The following HSF1 variants were observed in gnomAD, a reference collection of about 807,000 sequenced individuals.
HSF1 encodes heat shock transcription factor 1.
Under a neutral mutation model 51.7 loss-of-function variants are expected in HSF1, and 32 were observed. The observed-to-expected ratio is 0.62, with a 90% CI of 0.47 to 0.83. HSF1 has a LOEUF of 0.83. HSF1 is among the 40% of genes least tolerant of loss of function. The pLI is 0.00. For missense variants in HSF1, 727 were observed against 717.0 expected (o/e 1.01, Z -0.16); for synonymous variants, 396 against 309.7 (o/e 1.28, Z -2.92).
chr8:144,308,760 C>T (rs913999014), intron 1 of HSF1, 146 bp from the exon 2 acceptor site: 2 of 675,152 alleles, frequency 3.0e-6, no homozygotes, highest in South Asian at 3.4e-5. Context: ...CGCCTCCCGC[C>T]AGCCCCCTGG....
intron 1 of HSF1, among the ~76,000 whole-genome samples, chr8:144,295,127 C>T (rs980747805): frequency 2.0e-5 from 3 of 152,222 alleles, no homozygotes; most frequent in Admixed American, 2.0e-4. Flanking sequence ...CCAGCTTCCT[C>T]GTCTGCATGC....
chr8:144,310,298 G>A lies in HSF1; in HGVS notation c.488+402G>A, dbSNP rs551055072. 1.6e-4 allele frequency: 28 copies of A among 173,328 alleles called. 1 individual carries two copies. The South Asian group carries it at 3.6e-3, about 22-fold the overall frequency. The allele number at this position is 173,328 out of a possible 1,614,324, so 10.7% of individuals were successfully genotyped here. The stretch of plus-strand genomic sequence containing the variant: ...TTCCTGGAACCGCTGTCCCACACTC[G>A]CCTGGGCCCATGGAGCTAGCCCCCA... On this transcript the variant is annotated intron_variant, in intron 4 of 12. Transcript: ENST00000528838.
chr8:144,291,927 C>A lies in HSF1; in HGVS notation c.117+53C>A. On this transcript the variant is annotated intron_variant, in intron 1 of 12. Coordinates refer to ENST00000528838, the MANE Select transcript of HSF1 (RefSeq NM_005526.4). The surrounding 1 kb of genome is among the most constrained non-coding windows in gnomAD (Gnocchi z 4.1). ...CGTGGGGACCGGGAGGGAGCAGGGCCGCGGCGGACGGCGCGGGAGGGCTGC... is the reference window on the plus strand; with the variant it reads ...CGTGGGGACCGGGAGGGAGCAGGGCAGCGGCGGACGGCGCGGGAGGGCTGC... 9.8e-7 allele frequency: 1 copy of A among 1,016,352 alleles called. No individual in the cohort carries two copies. The highest frequency in any genetic ancestry group is 1.3e-6 in the Non-Finnish European group (1 of 752,608). The allele number at this position is 1,016,352 out of a possible 1,614,324, so 63.0% of individuals were successfully genotyped here.
At chr8:144,296,280 G>C (rs1235815684) in intron 1 of HSF1, among the ~76,000 whole-genome samples, 8 of 152,176 alleles carry the variant, frequency 5.3e-5, no homozygotes, top group African/African-American at 1.9e-4. Context: ...TCAGACCCTG[G>C]TCACAGATCG....
chr8:144,298,227 AAGGT>A (rs1366745493), intron 1 of HSF1, among the ~76,000 whole-genome samples: 1 of 152,148 alleles, frequency 6.6e-6, no homozygotes, highest in Non-Finnish European at 1.5e-5. Context: ...AATGGCCCCT[AAGGT>A]AGGGGTTGCC....
chr8:144,312,058 C>G lies in HSF1; in HGVS notation c.956C>G (p.Ser319Cys), dbSNP rs782012287. The change falls in exon 9 of 13, where the codon TCT becomes TGT. Residue 319 changes from serine to cysteine, a missense_variant. Coordinates refer to ENST00000528838, the MANE Select transcript of HSF1 (RefSeq NM_005526.4). ...GAGGAGGCGAGTCCCGGGCGCCCAT[C>G]TTCCGTGGACACCCTCTTGTCCCCG... ...RVEEASPGRP[S>C]SVDTLLSPTA... The G allele has an allele frequency of 6.2e-7, 1 of 1,612,330 alleles. No homozygotes were observed. The highest frequency in any genetic ancestry group is 1.1e-5 in the South Asian group (1 of 91,076).
chr8:144,308,958 TG>T lies in HSF1; in HGVS notation c.171del (p.Lys59SerfsTer61). ...CAGGGCCAGTTTGCCAAGGAGGTGC[TG>T]CCCAAGTACTTCAAGCACAACAACA... ...FDQGQFAKEV[L>X]PKYFKHNNMA... On this transcript the variant is annotated frameshift_variant, in exon 2 of 13. Transcript: ENST00000528838. LOFTEE classifies it high-confidence loss of function. 6.2e-7 allele frequency: 1 copy of T among 1,614,194 alleles called. No individual in the cohort carries two copies. Among genetic ancestry groups the T allele is most frequent in the Non-Finnish European group, 8.5e-7 (1 of 1,180,006 alleles).
At chr8:144,307,480 C>T (rs782471745) in intron 1 of HSF1, among the ~76,000 whole-genome samples, 1 of 152,382 alleles carries the variant, frequency 6.6e-6, no homozygotes, top group South Asian at 2.1e-4. Flanking sequence ...AGGCTCACGC[C>T]TGTAATCCCA....
Position 144,314,397 on chromosome 8 carries a change from AG to A in HSF1, c.*70del. ...AGTGCAGGGCTGGTCTTGGGGAGGC[AG>A]GGCAGCCTCGCGGTCTTGGGCACTG... On this transcript the variant is annotated 3_prime_UTR_variant, in exon 13 of 13. Coordinates refer to ENST00000528838, the MANE Select transcript of HSF1 (RefSeq NM_005526.4). 4.2e-6 allele frequency: 6 copies of A among 1,413,424 alleles called. No homozygotes were observed. The highest frequency in any genetic ancestry group is 5.8e-6 in the Non-Finnish European group (6 of 1,033,334). The allele number at this position is 1,413,424 out of a possible 1,614,324, so 87.6% of individuals were successfully genotyped here.
chr8:144,300,641 CTGTT>C lies in HSF1; in HGVS notation c.118-8262_118-8259del, dbSNP rs1229154848. On this transcript the variant is annotated intron_variant, in intron 1 of 12. Transcript: ENST00000528838. ...TCCAAATTGAGAGACATTCCACAAA[CTGTT>C]TGACGAGTCCTCAAAATTGTCAAGG... 3.3e-5 allele frequency among the ~76,000 whole-genome samples: 5 copies of C among 152,180 alleles called. No homozygotes were observed. In the South Asian group the frequency reaches 6.2e-4, roughly 19 times the overall value.
In HSF1 at chr8:144,310,142, G is replaced by T. The variant is rs1270829825; in HGVS notation, c.488+246G>T. 1.4e-5 allele frequency: 7 copies of T among 489,798 alleles called. No homozygotes were observed. The South Asian group carries it at 1.7e-4, about 12-fold the overall frequency. 30.3% of individuals were successfully genotyped at this position (489,798 alleles called of 1,614,324 possible). A position where few individuals can be genotyped will look rare whatever the true frequency, so the allele number is the denominator to read the frequency against. On this transcript the variant is annotated intron_variant, in intron 4 of 12. Coordinates refer to ENST00000528838, the MANE Select transcript of HSF1 (RefSeq NM_005526.4). Reference sequence around the variant, plus strand: ...GTCCCCTGCTCTGCACATCCCCAGCGCCCTCTGGGCCATTGGCTTCTGCCT... The same window carrying T: ...GTCCCCTGCTCTGCACATCCCCAGCTCCCTCTGGGCCATTGGCTTCTGCCT...
In HSF1 at chr8:144,311,712, G is replaced by A. The variant is rs782229295; in HGVS notation, c.736G>A (p.Ala246Thr). The change falls in exon 8 of 13, where the codon GCC becomes ACC. Residue 246 changes from alanine (A) to threonine (T), a missense_variant. By Grantham distance (58) the Ala-to-Thr change is moderately conservative (BLOSUM62 0). Coordinates refer to ENST00000528838, the MANE Select transcript of HSF1 (RefSeq NM_005526.4). ...GSGPYSAPSP[A>T]YSSSSLYAPD... The stretch of plus-strand genomic sequence containing the variant: ...CCTTTGATTGCAGGCCCCCTCCCCA[G>A]CCTACAGCAGCTCCAGCCTCTACGC... 7 of 1,610,856 alleles carry A rather than the reference G, an allele frequency of 4.3e-6. No homozygotes were observed. In the African/African-American group the frequency reaches 8.0e-5, roughly 18 times the overall value.
intron 1 of HSF1, among the ~76,000 whole-genome samples, chr8:144,304,010 G>A (rs1341032987): frequency 6.6e-6 from 1 of 152,238 alleles, no homozygotes; most frequent in African/African-American, 2.4e-5. Flanking sequence ...GGGCAAGGTG[G>A]AGGAAGGGAG....
intron 1 of HSF1, among the ~76,000 whole-genome samples, chr8:144,308,539 G>A (rs534867888): frequency 2.6e-5 from 4 of 151,426 alleles, no homozygotes; most frequent in East Asian, 3.9e-4. Flanking sequence ...GCCAGAGTGC[G>A]GCGGGTGCTT....
At chr8:144,311,645 A>G in intron 7 of HSF1, 44 bp downstream of exon 7, 1 of 1,611,940 alleles carries the variant, frequency 6.2e-7, no homozygotes, top group Non-Finnish European at 8.5e-7. Context: ...TGCAGGCGGC[A>G]GTGGGGTGGG....
At position 144,314,139 on chromosome 8, in the gene HSF1, C is replaced by T. The variant is rs1314584364; in HGVS notation, c.1399C>T (p.His467Tyr). Residue 467 changes from histidine (H) to tyrosine (Y), a missense_variant, in exon 13 of 13, where the codon CAC (histidine) becomes TAC (tyrosine). Physicochemically the swap from His to Tyr is moderately conservative, Grantham distance 83. Coordinates refer to ENST00000528838, the MANE Select transcript of HSF1 (RefSeq NM_005526.4). ...CACCCCCGCAGGGAAGCAGCTGGTGCACTACACAGCGCAGCCGCTGTTCCT... is the reference window on the plus strand; with the variant it reads ...CACCCCCGCAGGGAAGCAGCTGGTGTACTACACAGCGCAGCCGCTGTTCCT... ...SSPDSGKQLV[H>Y]YTAQPLFLLD... 3.8e-6 allele frequency: 5 copies of T among 1,320,290 alleles called. No homozygotes were observed. In the Admixed American group the frequency reaches 1.2e-4, roughly 31 times the overall value. 81.8% of individuals were successfully genotyped at this position (1,320,290 alleles called of 1,614,324 possible). A position where few individuals can be genotyped will look rare whatever the true frequency, so the allele number is the denominator to read the frequency against.
chr8:144,311,766 A>C lies in HSF1; in HGVS notation c.790A>C (p.Ile264Leu), dbSNP rs1554844636. 1.2e-5 allele frequency: 20 copies of C among 1,612,610 alleles called. No individual in the cohort carries two copies. The Admixed American group carries it at 3.3e-4, about 27-fold the overall frequency. The change falls in exon 8 of 13, where the codon ATC becomes CTC. Residue 264 changes from isoleucine (I) to leucine (L), a missense_variant. By Grantham distance (5) the Ile-to-Leu change is conservative. Around this residue, in one of 2 missense-constraint regions of HSF1, gnomAD observed 470 missense variants for 398.8 expected, o/e 1.18. Transcript: ENST00000528838. ...APDAVASSGP[I>L]ISDITELAPA... ...TGATGCTGTGGCCAGCTCTGGACCC[A>C]TCATCTCCGACATCACCGAGCTGGC...
At position 144,314,521 on chromosome 8, in the gene HSF1, C is replaced by T; in HGVS notation, c.*191C>T. ...ACCCTGGCCTGCCAGTCTGCCTTCC[C>T]CCAACCCCGTGTCCTGTGGTTTGGT... On this transcript the variant is annotated 3_prime_UTR_variant, in exon 13 of 13. Coordinates refer to ENST00000528838, the MANE Select transcript of HSF1 (RefSeq NM_005526.4). 1.7e-6 allele frequency: 1 copy of T among 605,582 alleles called. No individual in the cohort carries two copies. The highest frequency in any genetic ancestry group is 2.8e-5 in the East Asian group (1 of 36,080). 37.5% of individuals were successfully genotyped at this position (605,582 alleles called of 1,614,324 possible).
intron 1 of HSF1, among the ~76,000 whole-genome samples, chr8:144,301,684 G>A (rs1047838250): frequency 6.6e-6 from 1 of 151,940 alleles, no homozygotes; most frequent in Non-Finnish European, 1.5e-5. Flanking sequence ...GGCTAATACA[G>A]TGAAACCCCG....
Sources: allele counts gnomAD v4.1 joint callset (sites outside exome capture counted in the v4.1 genomes callset), GRCh38; gene constraint gnomAD v4.1.1; regional missense constraint gnomAD v4.1.1; non-coding constraint Gnocchi (gnomAD v3.1); transcripts MANE v1.5; gene names NCBI Gene and HGNC (gene_info 2026-07-23, HGNC 2026-07-21).